Variants in TRNP1 observed in about 807,000 individuals in gnomAD.
TRNP1 encodes TMF1 regulated nuclear protein 1.
A neutral mutation model predicts 12.2 loss-of-function variants in TRNP1; 16 were observed. The observed-to-expected ratio is 1.31, with a 90% confidence interval of 0.89 to 1.99. TRNP1 has a LOEUF of 1.99. TRNP1 is among the 30% of genes most tolerant of loss of function. The pLI is 0.00. For missense variants in TRNP1, 338 were observed against 330.4 expected (o/e 1.02, Z -0.18); for synonymous variants, 139 against 166.2 (o/e 0.84, Z 1.26).
At chr1:26,997,796 A>G (rs1234692594) in intron 1 of TRNP1, among the ~76,000 whole-genome samples, 2 of 152,178 alleles carry the variant, frequency 1.3e-5, no homozygotes, top group Admixed American at 1.3e-4. Context: ...CTGGATAACC[A>G]TGTGAGCGTT....
At position 26,994,047 on chromosome 1, in the gene TRNP1, A is replaced by G; in HGVS notation, c.261A>G (p.Gly87=). 1 of 1,228,438 alleles carries G rather than the reference A, an allele frequency of 8.1e-7. No homozygotes were observed. The highest frequency in any genetic ancestry group is 1.0e-6 in the Non-Finnish European group (1 of 986,754). 76.1% of individuals were successfully genotyped at this position (1,228,438 alleles called of 1,614,324 possible). Reference sequence around the variant, plus strand: ...GGATCGCGGGGCTCGCCGGCCCCGGAGGGGGCTCTGGCGCGGCTGCGGGGG... The same window carrying G: ...GGATCGCGGGGCTCGCCGGCCCCGGGGGGGGCTCTGGCGCGGCTGCGGGGG... ...ASGIAGLAGP[G]GGSGAAAGAG... The change falls in exon 1 of 2, where the codon GGA becomes GGG. Residue 87 remains glycine, a synonymous_variant. Coordinates refer to ENST00000522111, the MANE Select transcript of TRNP1 (RefSeq NM_001013642.3). This position sits in a 1 kb window ranked among gnomAD's most constrained non-coding sequence, Gnocchi z 6.9.
In TRNP1 at chr1:26,994,415, C is replaced by T. The variant is rs2082534822; in HGVS notation, c.629C>T (p.Pro210Leu). The part of the protein sequence containing the change: ...GRLRRGHGPE[P>L]DSPFRRSPPR... ...CTGCGGCGCGGCCACGGCCCCGAGC[C>T]CGACTCGCCCTTCCGCCGCAGCCCG... Residue 210 changes from proline to leucine, a missense_variant, in exon 1 of 2, where the codon CCC becomes CTC. Coordinates refer to ENST00000522111, the MANE Select transcript of TRNP1 (RefSeq NM_001013642.3). This position sits in a 1 kb window ranked among gnomAD's most constrained non-coding sequence, Gnocchi z 6.9. 8.6e-7 allele frequency: 1 copy of T among 1,161,018 alleles called. No homozygotes were observed. The highest frequency in any genetic ancestry group is 1.1e-6 in the Non-Finnish European group (1 of 942,786). The allele number at this position is 1,161,018 out of a possible 1,614,324, so 71.9% of individuals were successfully genotyped here.
chr1:26,993,823 G>A lies in TRNP1; in HGVS notation c.37G>A (p.Ala13Thr), dbSNP rs918889332. ...CCGCATCAGCGCCTGCGGCCCGGGGGCCCAGGAGGGGACGGCAGAGCAGAG... is the reference window on the plus strand; with the variant it reads ...CCGCATCAGCGCCTGCGGCCCGGGGACCCAGGAGGGGACGGCAGAGCAGAG... ...GCRISACGPG[A>T]QEGTAEQRSP... Residue 13 changes from alanine (A) to threonine (T), a missense_variant, in exon 1 of 2, where the codon GCC (alanine) becomes ACC (threonine). By Grantham distance (58) the Ala-to-Thr change is moderately conservative. Transcript: ENST00000522111. 46 of 1,338,796 alleles carry A rather than the reference G, an allele frequency of 3.4e-5. No individual in the cohort carries two copies. The highest frequency in any genetic ancestry group is 4.3e-5 in the Non-Finnish European group (45 of 1,050,674). The allele number at this position is 1,338,796 out of a possible 1,614,324, so 82.9% of individuals were successfully genotyped here. A position where few individuals can be genotyped will look rare whatever the true frequency, so the allele number is the denominator to read the frequency against.
At chr1:26,998,138 CTT>C (rs931067291) in intron 1 of TRNP1, among the ~76,000 whole-genome samples, 2 of 152,130 alleles carry the variant, frequency 1.3e-5, no homozygotes, top group African/African-American at 4.8e-5. Flanking sequence ...ACTCCCAACA[CTT>C]TGGGAGTTTG....
At chr1:26,995,725 G>C (rs1454797377) in intron 1 of TRNP1, among the ~76,000 whole-genome samples, 2 of 152,176 alleles carry the variant, frequency 1.3e-5, no homozygotes, top group Non-Finnish European at 2.9e-5. Flanking sequence ...CCACCTCCCG[G>C]ATTCAAGCGA....
chr1:26,996,780 C>G (rs140906864), intron 1 of TRNP1, among the ~76,000 whole-genome samples: 1 of 148,570 alleles, frequency 6.7e-6, no homozygotes, highest in African/African-American at 2.6e-5. Flanking sequence ...GAATTAGAGA[C>G]GACACTGGCT....
At chr1:26,998,948 A>G (rs755318034) in intron 1 of TRNP1, among the ~76,000 whole-genome samples, 5 of 152,246 alleles carry the variant, frequency 3.3e-5, no homozygotes, top group Non-Finnish European at 7.3e-5. Flanking sequence ...CTGGGCTCCC[A>G]CATTCAAGGC....
Position 26,994,926 on chromosome 1 carries a change from G to A in TRNP1, c.*142+314G>A, listed in dbSNP as rs2082538115. ...CCCCCACTTGCGTGGCCTTTCCCGG[G>A]CCCCTCGGAGCTGTGAGCAGTCTTG... On this transcript the variant is annotated intron_variant, in intron 1 of 1. Transcript: ENST00000522111. The surrounding 1 kb of genome is among the most constrained non-coding windows in gnomAD (Gnocchi z 6.9). 1.3e-5 allele frequency among the ~76,000 whole-genome samples: 2 copies of A among 152,164 alleles called. No homozygotes were observed. Among genetic ancestry groups the A allele is most frequent in the African/African-American group, 2.4e-5 (1 of 41,448 alleles).
At position 27,000,227 on chromosome 1, in the gene TRNP1, TAAAC is replaced by T. The variant is rs1483936684; in HGVS notation, c.*526_*529del. The T allele has an allele frequency of 6.6e-6, 1 of 152,224 alleles. No homozygotes were observed. The highest frequency in any genetic ancestry group is 6.5e-5 in the Admixed American group (1 of 15,288). The allele number at this position is 152,224 out of a possible 1,614,324, so 9.4% of individuals were successfully genotyped here. ...CTTTTCAAGATATCGTCATCATTCT[TAAAC>T]AACATTCTTAACCCCCAGCTGGGGT... On this transcript the variant is annotated 3_prime_UTR_variant, in exon 2 of 2. Transcript: ENST00000522111.
chr1:26,996,543 T>C (rs2082546116), intron 1 of TRNP1, among the ~76,000 whole-genome samples: 1 of 152,214 alleles, frequency 6.6e-6, no homozygotes. Flanking sequence ...ATTTGGGGTC[T>C]AGAGGCTTAG....
Position 26,993,734 on chromosome 1 carries a change from T to C in TRNP1, c.-53T>C. The C allele has an allele frequency of 7.9e-7, 1 of 1,265,536 alleles. No individual in the cohort carries two copies. The highest frequency in any genetic ancestry group is 9.9e-7 in the Non-Finnish European group (1 of 1,008,084). The allele number at this position is 1,265,536 out of a possible 1,614,324, so 78.4% of individuals were successfully genotyped here. Reference sequence around the variant, plus strand: ...CGTGTCTAGCTGTTCGGGTGTGCTGTGGTCATCCTCCCTGCGCACCTACAG... The same window carrying C: ...CGTGTCTAGCTGTTCGGGTGTGCTGCGGTCATCCTCCCTGCGCACCTACAG... On this transcript the variant is annotated 5_prime_UTR_variant, in exon 1 of 2. Transcript: ENST00000522111.
Position 26,993,698 on chromosome 1 carries a change from G to C in TRNP1, c.-89G>C, listed in dbSNP as rs888926906. 8.1e-7 allele frequency: 1 copy of C among 1,235,306 alleles called. No homozygotes were observed. The highest frequency in any genetic ancestry group is 1.0e-6 in the Non-Finnish European group (1 of 989,494). The allele number at this position is 1,235,306 out of a possible 1,614,324, so 76.5% of individuals were successfully genotyped here. ...GGACGGCGGGCGCGCCTCTGGGGTG[G>C]GGGCTGTGGCCGTGTCTAGCTGTTC... On this transcript the variant is annotated 5_prime_UTR_variant, in exon 1 of 2. Coordinates refer to ENST00000522111, the MANE Select transcript of TRNP1 (RefSeq NM_001013642.3).
chr1:26,998,314 CAGGT>C (rs985156292), intron 1 of TRNP1, among the ~76,000 whole-genome samples: 1 of 152,192 alleles, frequency 6.6e-6, no homozygotes, highest in Non-Finnish European at 1.5e-5. Context: ...CCAGAAAAGA[CAGGT>C]AGCCCTTGTT....
rs535033136 is a variant in TRNP1, at chr1:26,998,649, C to A, written c.*143-1198C>A. Among the ~76,000 whole-genome samples the A allele has an allele frequency of 4.6e-5, 7 of 152,250 alleles. No individual in the cohort carries two copies. In the South Asian group the frequency reaches 1.2e-3, roughly 27 times the overall value. On this transcript the variant is annotated intron_variant, in intron 1 of 1. Transcript: ENST00000522111. Reference sequence around the variant, plus strand: ...CTTCCCCCATTGGTCCTTGACTGCACCCTGGCCAGGGGCGATGGGGGAAGG... The same window carrying A: ...CTTCCCCCATTGGTCCTTGACTGCAACCTGGCCAGGGGCGATGGGGGAAGG...
intron 1 of TRNP1, among the ~76,000 whole-genome samples, chr1:26,999,119 C>A (rs1254367954): frequency 2.6e-5 from 4 of 152,054 alleles, no homozygotes; most frequent in Admixed American, 2.6e-4. Flanking sequence ...GAGGGTGGGC[C>A]AAGGATGCTC....
Position 26,993,715 on chromosome 1 carries a change from T to C in TRNP1, c.-72T>C. On this transcript the variant is annotated 5_prime_UTR_variant, in exon 1 of 2. Transcript: ENST00000522111. ...CTGGGGTGGGGGCTGTGGCCGTGTC[T>C]AGCTGTTCGGGTGTGCTGTGGTCAT... 1 of 1,230,676 alleles carries C rather than the reference T, an allele frequency of 8.1e-7. No individual in the cohort carries two copies. The highest frequency in any genetic ancestry group is 3.3e-5 in the South Asian group (1 of 30,332). 76.2% of individuals were successfully genotyped at this position (1,230,676 alleles called of 1,614,324 possible). A position where few individuals can be genotyped will look rare whatever the true frequency, so the allele number is the denominator to read the frequency against.
At chr1:26,998,904 A>G (rs888359188) in intron 1 of TRNP1, among the ~76,000 whole-genome samples, 1 of 152,226 alleles carries the variant, frequency 6.6e-6, no homozygotes, top group Admixed American at 6.5e-5. Context: ...TGATTCATTT[A>G]TCAGGCTAAA....
At position 26,994,127 on chromosome 1, in the gene TRNP1, A is replaced by G; in HGVS notation, c.341A>G (p.Glu114Gly). ...AEARRRLLEV[E>G]GRRRLVSELE... ...GCACGGCGGCGGCTGCTGGAGGTGG[A>G]GGGCCGCCGGCGCCTGGTGTCGGAG... Residue 114 changes from glutamate to glycine, a missense_variant, in exon 1 of 2, where the codon GAG becomes GGG. Coordinates refer to ENST00000522111, the MANE Select transcript of TRNP1 (RefSeq NM_001013642.3). The surrounding 1 kb of genome is among the most constrained non-coding windows in gnomAD (Gnocchi z 6.9). The G allele has an allele frequency of 8.1e-7, 1 of 1,234,464 alleles. No individual in the cohort carries two copies. Among genetic ancestry groups the G allele is most frequent in the Non-Finnish European group, 1.0e-6 (1 of 987,208 alleles). The allele number at this position is 1,234,464 out of a possible 1,614,324, so 76.5% of individuals were successfully genotyped here. A position where few individuals can be genotyped will look rare whatever the true frequency, so the allele number is the denominator to read the frequency against.
At chr1:26,997,909 G>T (rs1254911200) in intron 1 of TRNP1, among the ~76,000 whole-genome samples, 1 of 152,106 alleles carries the variant, frequency 6.6e-6, no homozygotes, top group Non-Finnish European at 1.5e-5. Flanking sequence ...CCCTTTGCCC[G>T]GTAGTCCCCG....
Sources: gnomAD v4.1 joint callset for allele counts (sites outside exome capture counted in the v4.1 genomes callset) on GRCh38, gnomAD v4.1.1 for gene constraint, Gnocchi (gnomAD v3.1) non-coding constraint, MANE v1.5 for transcripts, NCBI Gene and HGNC (gene_info 2026-07-23, HGNC 2026-07-21) for gene names.